The following FN1 variants were observed in gnomAD, a reference collection of about 807,000 sequenced individuals.
The protein encoded by FN1 is fibronectin 1.
In FN1, 106 loss-of-function variants were observed where a neutral mutation model predicts 297.3. The observed-to-expected ratio is 0.36, with a 90% CI of 0.30 to 0.42. FN1 has a LOEUF of 0.42. Ranked by LOEUF, FN1 falls within the 10% of genes least tolerant of loss-of-function variation. The probability of loss-of-function intolerance (pLI) is 1.00; values close to 1 mark genes in which losing one functional copy is unlikely to be tolerated. For missense variants in FN1, 2,690 were observed against 3,124.9 expected (o/e 0.86, Z 3.32); for synonymous variants, 1,149 against 1,152.6 (o/e 1.00, Z 0.06).
chr2:215,384,789 G>A, intron 29 of FN1, 71 bp downstream of exon 29: 1 of 1,087,470 alleles, frequency 9.2e-7, no homozygotes, highest in South Asian at 1.3e-5. Context: ...TTTGTTCACT[G>A]TTGGGCTTTC....
intron 10 of FN1, among the ~76,000 whole-genome samples, chr2:215,421,510 C>T (rs1291824148): frequency 1.3e-5 from 2 of 152,196 alleles, no homozygotes; most frequent in Non-Finnish European, 2.9e-5. Flanking sequence ...AGACCAATAT[C>T]TACGCACTAG....
chr2:215,431,275 A>G (rs1435125944), intron 4 of FN1, among the ~76,000 whole-genome samples: 1 of 152,238 alleles, frequency 6.6e-6, no homozygotes, highest in Admixed American at 6.5e-5. Context: ...GGAAAGCAAA[A>G]CAATACAAAA....
rs1385623506 is a variant in FN1 at position 215,392,385 on chromosome 2, G to A, written c.4069+546C>T. On this transcript the variant is annotated intron_variant, in intron 25 of 45. Transcript: ENST00000354785. ...GTCCCCAGACTGTGGTTAAAGAGGT[G>A]TTTCTTTACCTAGTGACAGCAACAA... 1.6e-5 allele frequency: 3 copies of A among 183,770 alleles called. No homozygotes were observed. The East Asian group carries it at 4.4e-4, about 27-fold the overall frequency. The allele number at this position is 183,770 out of a possible 1,614,324, so 11.4% of individuals were successfully genotyped here. A position where few individuals can be genotyped will look rare whatever the true frequency, so the allele number is the denominator to read the frequency against.
intron 13 of FN1, 76 bp from the exon 14 acceptor site, chr2:215,410,190 T>G: frequency 2.8e-6 from 4 of 1,446,714 alleles, no homozygotes; most frequent in Non-Finnish European, 3.8e-6. Flanking sequence ...TGATGTTCAG[T>G]AATCTTCAAA....
Position 215,406,519 on chromosome 2 carries a change from CAA to C in FN1, c.2714-11_2714-10del, listed in dbSNP as rs371418810. 1.5e-3 allele frequency: 2,471 copies of C among 1,613,274 alleles called. 49 individuals are homozygous for C. The South Asian group carries it at 0.025, about 16-fold the overall frequency. On this transcript the variant is annotated splice_polypyrimidine_tract_variant and intron_variant, in intron 18 of 45. Transcript: ENST00000354785. Reference sequence around the variant, plus strand: ...GGGAGAGGGCACTGTATCTGACAGACAAGAGTCAACTGGTCATTCACATTCTC... The same window carrying C: ...GGGAGAGGGCACTGTATCTGACAGACGAGTCAACTGGTCATTCACATTCTC...
At chr2:215,403,976 AGT>A (rs1390209213) in intron 20 of FN1, among the ~76,000 whole-genome samples, 2 of 152,202 alleles carry the variant, frequency 1.3e-5, no homozygotes, top group East Asian at 3.8e-4. Flanking sequence ...TGCGTTAACT[AGT>A]GTTTGGTAAA....
chr2:215,430,327 C>T (rs897889925), intron 5 of FN1, among the ~76,000 whole-genome samples: 3 of 152,228 alleles, frequency 2.0e-5, no homozygotes, highest in South Asian at 4.1e-4. Context: ...TAATCAAATG[C>T]GTTAGGTCAG....
rs10524797 is a variant in FN1 at position 215,412,760 on chromosome 2, C to CTTTTTTTTTTTT, written c.1941+2065_1941+2076dup. On this transcript the variant is annotated intron_variant, in intron 13 of 45. Transcript: ENST00000354785. ...TAATTTAAAGTATTATATTAAGTAT[C>CTTTTTTTTTTTT]TTTTTTTTTTTTTTTTTTTTTTACT... Among the ~76,000 whole-genome samples, 80 of 97,536 alleles carry CTTTTTTTTTTTT rather than the reference C, an allele frequency of 8.2e-4. 1 individual carries two copies. Among genetic ancestry groups the CTTTTTTTTTTTT allele is most frequent in the Non-Finnish European group, 1.2e-3 (58 of 49,078 alleles). 64.0% of individuals were successfully genotyped at this position (97,536 alleles called of 152,430 possible). A position where few individuals can be genotyped will look rare whatever the true frequency, so the allele number is the denominator to read the frequency against.
At chr2:215,369,949 G>C (rs2055509772) in intron 41 of FN1, among the ~76,000 whole-genome samples, 2 of 152,040 alleles carry the variant, frequency 1.3e-5, no homozygotes, top group Non-Finnish European at 2.9e-5. Flanking sequence ...AGAGGGTCTG[G>C]GAAAAGACAT....
At position 215,408,340 on chromosome 2, in the gene FN1, C is replaced by A; in HGVS notation, c.2386G>T (p.Asp796Tyr). ...YIVNVYQISE[D>Y]GEQSLILSTS... ...GACAGGATCAAACTCTGCTCCCCATCCTCAGATATCTGATAGACATTTACA... is the reference window on the plus strand; with the variant it reads ...GACAGGATCAAACTCTGCTCCCCATACTCAGATATCTGATAGACATTTACA... The change falls in exon 16 of 46, where the codon GAT (aspartate) becomes TAT (tyrosine). Residue 796 changes from aspartate (D) to tyrosine (Y), a missense_variant. Physicochemically the swap from Asp to Tyr is radical, Grantham distance 160. Transcript: ENST00000354785. The A allele has an allele frequency of 6.2e-7, 1 of 1,614,098 alleles. No homozygotes were observed. The highest frequency in any genetic ancestry group is 8.5e-7 in the Non-Finnish European group (1 of 1,179,982).
At chr2:215,382,466 ACTTTGATT>A (rs1387356138) in intron 31 of FN1, 141 bp from the exon 32 acceptor site, 9 of 678,522 alleles carry the variant, frequency 1.3e-5, no homozygotes, top group Non-Finnish European at 2.2e-5. Context: ...GGAGAGTCAG[ACTTTGATT>A]TCCTCTTGGA....
At chr2:215,384,568 A>C (rs1338388010) in intron 29 of FN1, 2 of 398,296 alleles carry the variant, frequency 5.0e-6, no homozygotes, top group Admixed American at 4.2e-5. Context: ...AAGAGAAGAA[A>C]AAATAAAAAT....
intron 11 of FN1, among the ~76,000 whole-genome samples, chr2:215,419,615 A>G (rs1210792721): frequency 6.6e-6 from 1 of 152,204 alleles, no homozygotes; most frequent in Non-Finnish European, 1.5e-5. Flanking sequence ...CTAAAAGGTA[A>G]TATTTCTAAA....
chr2:215,426,540 C>T (rs1164498669), intron 6 of FN1, among the ~76,000 whole-genome samples: 1 of 152,264 alleles, frequency 6.6e-6, no homozygotes, highest in East Asian at 1.9e-4. Context: ...CAAAGGTACA[C>T]TGAATTCAGT....
intron 12 of FN1, 106 bp downstream of exon 12, chr2:215,419,136 G>A (rs1387258407): frequency 1.1e-6 from 1 of 896,552 alleles, no homozygotes; most frequent in African/African-American, 1.6e-5. Flanking sequence ...GAAAAGGGTG[G>A]GAAAGAGGGG....
intron 8 of FN1, 149 bp downstream of exon 8, chr2:215,423,997 C>T (rs914529500): frequency 7.7e-6 from 6 of 782,534 alleles, no homozygotes; most frequent in South Asian, 7.2e-5. Context: ...TCAGCTGTTA[C>T]GTGAGCGCTG....
At chr2:215,432,993 G>C (rs1381243560) in intron 3 of FN1, among the ~76,000 whole-genome samples, 1 of 152,062 alleles carries the variant, frequency 6.6e-6, no homozygotes, top group African/African-American at 2.4e-5. Context: ...AAGATATCCA[G>C]GTGATTTAAA....
intron 29 of FN1, 132 bp from the exon 30 acceptor site, chr2:215,384,316 A>G (rs1031813705): frequency 1.5e-5 from 13 of 869,926 alleles, no homozygotes; most frequent in African/African-American, 3.3e-5. Context: ...AAAGAGCGCT[A>G]TCTTGAACAG....
chr2:215,388,125 G>T, intron 27 of FN1, 87 bp downstream of exon 27: 2 of 949,552 alleles, frequency 2.1e-6, no homozygotes, highest in Non-Finnish European at 1.7e-6. Context: ...AAAAAATGGA[G>T]ATGTATTTTT....
Sources: allele counts gnomAD v4.1 joint callset (sites outside exome capture counted in the v4.1 genomes callset), GRCh38; gene constraint gnomAD v4.1.1; transcripts MANE v1.5; gene names NCBI Gene and HGNC (gene_info 2026-07-23, HGNC 2026-07-21).